The following RALGAPA1 variants were observed in gnomAD, a reference collection of about 807,000 sequenced individuals.
The protein encoded by RALGAPA1 is Ral GTPase activating protein catalytic subunit alpha 1, also known as ral GTPase-activating protein subunit alpha-1.
RALGAPA1 carries 52 observed loss-of-function variants against 269.6 expected under a neutral mutation model. The ratio of observed to expected loss-of-function variants is 0.19; its 90% confidence interval spans 0.15 to 0.24. The LOEUF (loss-of-function observed/expected upper bound fraction) is 0.24. RALGAPA1 is among the 10% of genes least tolerant of loss of function. RALGAPA1 has a pLI of 1.00. For synonymous variants in RALGAPA1, 817 were observed against 1,008.3 expected (o/e 0.81, Z 3.60); for missense variants, 1,917 against 3,013.9 (o/e 0.64, Z 8.52).
At chr14:35,781,128 C>A (rs1434030663) in intron 1 of RALGAPA1, among the ~76,000 whole-genome samples, 1 of 152,046 alleles carries the variant, frequency 6.6e-6, no homozygotes, top group African/African-American at 2.4e-5. Context: ...ACTGTCCAAA[C>A]TGAAAAAGAC....
In RALGAPA1 at chr14:35,614,492, T is replaced by C. The variant is rs114327880; in HGVS notation, c.6930-8783A>G. ...CCCACATATTATTTGATTCCATTTATATGAAATTTCCAGAATAGGCAAATT... is the reference window on the plus strand; with the variant it reads ...CCCACATATTATTTGATTCCATTTACATGAAATTTCCAGAATAGGCAAATT... On this transcript the variant is annotated intron_variant, in intron 35 of 41. Transcript: ENST00000680220. Among the ~76,000 whole-genome samples the C allele has an allele frequency of 5.2e-3, 793 of 152,278 alleles. 7 individuals are homozygous for C. The highest frequency in any genetic ancestry group is 0.018 in the African/African-American group (748 of 41,564).
intron 38 of RALGAPA1, 123 bp downstream of exon 38, chr14:35,572,437 C>T (rs1342385320): frequency 1.4e-6 from 1 of 691,290 alleles, no homozygotes; most frequent in Non-Finnish European, 2.3e-6. Context: ...GTCTATGTAA[C>T]ATTTACCCTC....
At chr14:35,798,154 C>A (rs1172730068) in intron 1 of RALGAPA1, among the ~76,000 whole-genome samples, 3 of 148,502 alleles carry the variant, frequency 2.0e-5, no homozygotes, top group East Asian at 2.0e-4. Flanking sequence ...ATTACAGGTG[C>A]GAGCTAACAC....
intron 21 of RALGAPA1, among the ~76,000 whole-genome samples, chr14:35,680,949 CT>C (rs1371431000): frequency 2.3e-4 from 35 of 152,078 alleles, no homozygotes; most frequent in Non-Finnish European, 5.0e-4. Flanking sequence ...GGCTCACTTA[CT>C]TAAGAGGCTT....
At chr14:35,714,018 C>T (rs2068589583) in intron 16 of RALGAPA1, among the ~76,000 whole-genome samples, 1 of 151,726 alleles carries the variant, frequency 6.6e-6, no homozygotes, top group Admixed American at 6.6e-5. Context: ...TTGCTTGAAC[C>T]CAGGAGGCAG....
intron 10 of RALGAPA1, among the ~76,000 whole-genome samples, chr14:35,743,632 C>T (rs112535793): frequency 3.3e-5 from 5 of 152,124 alleles, no homozygotes; most frequent in Admixed American, 6.6e-5. Flanking sequence ...TACAGGCACA[C>T]ACCACCACAC....
intron 21 of RALGAPA1, among the ~76,000 whole-genome samples, chr14:35,680,239 G>A (rs1001525814): frequency 2.6e-5 from 4 of 152,034 alleles, no homozygotes; most frequent in South Asian, 4.2e-4. Flanking sequence ...ATGGAGTCTC[G>A]CTCTGTTGCT....
At chr14:35,571,051 AG>A (rs2057148103) in intron 38 of RALGAPA1, among the ~76,000 whole-genome samples, 1 of 152,250 alleles carries the variant, frequency 6.6e-6, no homozygotes, top group Non-Finnish European at 1.5e-5. Context: ...AGCCAACACT[AG>A]AAGTAAATTT....
chr14:35,613,102 G>A (rs2060057123), intron 35 of RALGAPA1, among the ~76,000 whole-genome samples: 1 of 148,776 alleles, frequency 6.7e-6, no homozygotes, highest in Non-Finnish European at 1.5e-5. Flanking sequence ...TTTTTTTTGA[G>A]ATGGAGTCTC....
At chr14:35,680,238 C>T (rs150458890) in intron 21 of RALGAPA1, among the ~76,000 whole-genome samples, 288 of 152,208 alleles carry the variant, frequency 1.9e-3, no homozygotes, top group African/African-American at 5.9e-3. Flanking sequence ...GATGGAGTCT[C>T]GCTCTGTTGC....
intron 3 of RALGAPA1, 110 bp from the exon 4 acceptor site, chr14:35,771,109 A>C: frequency 2.2e-6 from 1 of 448,484 alleles, no homozygotes; most frequent in Non-Finnish European, 4.1e-6. Context: ...CAAATACAAA[A>C]TAGGCCGGGC....
At chr14:35,662,418 AC>A (rs1487079652) in intron 27 of RALGAPA1, among the ~76,000 whole-genome samples, 1 of 152,222 alleles carries the variant, frequency 6.6e-6, no homozygotes, top group East Asian at 1.9e-4. Context: ...TCGAATGATA[AC>A]CATGGTGTGT....
chr14:35,806,346 G>C (rs1018968296), intron 1 of RALGAPA1, among the ~76,000 whole-genome samples: 2 of 151,636 alleles, frequency 1.3e-5, no homozygotes, highest in African/African-American at 2.4e-5. Context: ...GTTGTAAAAT[G>C]GGGGGGAGGG....
intron 35 of RALGAPA1, 99 bp from the exon 36 acceptor site, chr14:35,605,808 G>T: frequency 7.3e-7 from 1 of 1,367,246 alleles, no homozygotes; most frequent in South Asian, 1.5e-5. Context: ...GCAATAAAAA[G>T]ATGAAAAAGA....
chr14:35,689,096 T>C lies in RALGAPA1; in HGVS notation c.3315A>G (p.Leu1105=), dbSNP rs2066244192. ...PHVMRAKKAT[L]KAPVNRRMPH... ...GCATTCTGCGGTTAACAGGTGCTTTTAGTGTTGCTTTCTTGGCACGCATAA... is the reference window on the plus strand; with the variant it reads ...GCATTCTGCGGTTAACAGGTGCTTTCAGTGTTGCTTTCTTGGCACGCATAA... The change falls in exon 18 of 42, where the codon CTA becomes CTG. Residue 1105 remains leucine, a synonymous_variant. Transcript: ENST00000680220. 5 of 1,235,908 alleles carry C rather than the reference T, an allele frequency of 4.0e-6. No homozygotes were observed. The highest frequency in any genetic ancestry group is 5.0e-6 in the Non-Finnish European group (5 of 990,254). 76.6% of individuals were successfully genotyped at this position (1,235,908 alleles called of 1,614,324 possible).
At chr14:35,662,281 C>G (rs1434772651) in intron 27 of RALGAPA1, among the ~76,000 whole-genome samples, 2 of 152,176 alleles carry the variant, frequency 1.3e-5, no homozygotes, top group African/African-American at 4.8e-5. Flanking sequence ...CAGAATTATA[C>G]ATACATGACA....
chr14:35,736,790 C>T (rs1305569819), intron 12 of RALGAPA1, among the ~76,000 whole-genome samples: 1 of 152,120 alleles, frequency 6.6e-6, no homozygotes, highest in African/African-American at 2.4e-5. Context: ...AATCCCAACA[C>T]TTTGGGAGGC....
intron 12 of RALGAPA1, among the ~76,000 whole-genome samples, chr14:35,729,286 G>A (rs992185663): frequency 2.0e-5 from 3 of 151,888 alleles, no homozygotes. Flanking sequence ...GGAAAAAACT[G>A]ATTATCACTA....
Position 35,752,279 on chromosome 14 carries a change from A to G in RALGAPA1, c.664-117T>C, listed in dbSNP as rs575610132. On this transcript the variant is annotated intron_variant, in intron 7 of 41. Transcript: ENST00000680220. Reference sequence around the variant, plus strand: ...GCAATACACTGAACTGTTAACACTAAAGATCATGATACATAGCATAAGGAC... The same window carrying G: ...GCAATACACTGAACTGTTAACACTAGAGATCATGATACATAGCATAAGGAC... 342 of 1,146,678 alleles carry G rather than the reference A, an allele frequency of 3.0e-4. No homozygotes were observed. In the African/African-American group the frequency reaches 4.9e-3, roughly 16 times the overall value. The allele number at this position is 1,146,678 out of a possible 1,614,324, so 71.0% of individuals were successfully genotyped here. A position where few individuals can be genotyped will look rare whatever the true frequency, so the allele number is the denominator to read the frequency against.
Sources: allele counts gnomAD v4.1 joint callset (sites outside exome capture counted in the v4.1 genomes callset), GRCh38; gene constraint gnomAD v4.1.1; transcripts MANE v1.5; gene names NCBI Gene and HGNC (gene_info 2026-07-23, HGNC 2026-07-21).